Variants in ME2 observed in about 807,000 individuals in gnomAD.
The protein encoded by ME2 is malic enzyme 2.
ME2 carries 60 observed loss-of-function variants against 73.7 expected under a neutral mutation model. The ratio of observed to expected loss-of-function variants is 0.81; its 90% CI spans 0.66 to 1.01. ME2 has a LOEUF of 1.01. ME2 is among the 50% of genes least tolerant of loss of function. The probability of loss-of-function intolerance (pLI) is 0.00; values close to 1 mark genes in which losing one functional copy is unlikely to be tolerated. For synonymous variants in ME2, 199 were observed against 236.9 expected (o/e 0.84, Z 1.47); for missense variants, 594 against 705.5 (o/e 0.84, Z 1.79).
At chr18:50,881,317 G>T (rs1474167401) in intron 1 of ME2, among the ~76,000 whole-genome samples, 1 of 151,968 alleles carries the variant, frequency 6.6e-6, no homozygotes, top group African/African-American at 2.4e-5. Context: ...GATTACAGGA[G>T]TGAGCCACCA....
At chr18:50,912,555 G>A (rs767210679) in intron 3 of ME2, among the ~76,000 whole-genome samples, 1 of 152,178 alleles carries the variant, frequency 6.6e-6, no homozygotes, top group Non-Finnish European at 1.5e-5. Flanking sequence ...TTAGGGTTCA[G>A]TAAACATTGT....
intron 1 of ME2, among the ~76,000 whole-genome samples, chr18:50,879,796 T>A (rs1916269497): frequency 6.6e-6 from 1 of 152,228 alleles, no homozygotes; most frequent in African/African-American, 2.4e-5. Context: ...TGCTGCGGGC[T>A]GGAGAGTTCT....
At position 50,951,163 on chromosome 18, in the gene ME2, C is replaced by T. The variant is rs1403243041; in HGVS notation, c.*3979C>T. On this transcript the variant is annotated 3_prime_UTR_variant, in exon 16 of 16. Transcript: ENST00000321341. ...TTAGCTATCAAATGGACATTTATTTCTCTTAGTTTTCTTATGACATGACTT... is the reference window on the plus strand; with the variant it reads ...TTAGCTATCAAATGGACATTTATTTTTCTTAGTTTTCTTATGACATGACTT... The T allele has an allele frequency of 6.6e-6, 1 of 152,162 alleles. No homozygotes were observed. The highest frequency in any genetic ancestry group is 2.4e-5 in the African/African-American group (1 of 41,446). 9.4% of individuals were successfully genotyped at this position (152,162 alleles called of 1,614,324 possible).
chr18:50,897,380 A>T (rs1431243071), intron 2 of ME2, among the ~76,000 whole-genome samples: 3 of 152,206 alleles, frequency 2.0e-5, no homozygotes, highest in Non-Finnish European at 4.4e-5. Flanking sequence ...TTGAGTGTCA[A>T]ACAAGTTTGC....
At chr18:50,921,721 G>A (rs933864072) in intron 10 of ME2, among the ~76,000 whole-genome samples, 20 of 152,034 alleles carry the variant, frequency 1.3e-4, no homozygotes, top group Non-Finnish European at 2.1e-4. Context: ...GTGCCTGGCC[G>A]TGAGCAGAAA....
At chr18:50,889,240 C>A (rs1916551670) in intron 1 of ME2, among the ~76,000 whole-genome samples, 1 of 152,056 alleles carries the variant, frequency 6.6e-6, no homozygotes, top group South Asian at 2.1e-4. Flanking sequence ...AGGGTAGAGC[C>A]CCTAGGCAGC....
chr18:50,892,221 C>A lies in ME2; in HGVS notation c.-12-3588C>A, dbSNP rs146103680. Among the ~76,000 whole-genome samples, 371 of 152,196 alleles carry A rather than the reference C, an allele frequency of 2.4e-3. 2 individuals are homozygous for A. The highest frequency in any genetic ancestry group is 8.6e-3 in the African/African-American group (358 of 41,542). On this transcript the variant is annotated intron_variant, in intron 1 of 15. Transcript: ENST00000321341. ...CTAACTGTAGTGGCAAATCCTTCTA[C>A]CTATTCTTTTTCAAAATTTCTTGGA... is the stretch of plus-strand genomic sequence containing the variant.
intron 1 of ME2, among the ~76,000 whole-genome samples, chr18:50,893,020 G>C (rs1916641221): frequency 6.6e-6 from 1 of 151,140 alleles, no homozygotes; most frequent in African/African-American, 2.4e-5. Flanking sequence ...AGCTACTCGG[G>C]AGGCTGGGGC....
intron 12 of ME2, among the ~76,000 whole-genome samples, chr18:50,927,751 T>TATATATATATACAC (rs1316314513): frequency 9.7e-5 from 12 of 123,292 alleles, no homozygotes; most frequent in South Asian, 7.7e-4. Flanking sequence ...TATATATATA[T>TATATATATATACAC]ACACACCACA....
At chr18:50,908,234 T>G (rs199849015) in intron 3 of ME2, 38 bp downstream of exon 3, 204 of 1,487,950 alleles carry the variant, frequency 1.4e-4, no homozygotes, top group Middle Eastern at 3.5e-4. Flanking sequence ...TTATTGGTAT[T>G]CTGATTAGAA....
At chr18:50,937,163 GA>G (rs138577806) in intron 13 of ME2, among the ~76,000 whole-genome samples, 24 of 142,790 alleles carry the variant, frequency 1.7e-4, no homozygotes, top group Non-Finnish European at 2.0e-4. Flanking sequence ...CCAATTACTT[GA>G]AAAAAAAAAA....
At chr18:50,903,696 G>A (rs1255577419) in intron 2 of ME2, among the ~76,000 whole-genome samples, 4 of 152,068 alleles carry the variant, frequency 2.6e-5, no homozygotes, top group African/African-American at 7.2e-5. Context: ...CAATCTATCC[G>A]TGCTGGCATC....
At position 50,924,146 on chromosome 18, in the gene ME2, G is replaced by A. The variant is rs1312628165; in HGVS notation, c.1105G>A (p.Ala369Thr). 2.5e-6 allele frequency: 4 copies of A among 1,613,372 alleles called. No individual in the cohort carries two copies. The highest frequency in any genetic ancestry group is 1.1e-5 in the South Asian group (1 of 90,992). ...TTATCAGGAACCATTTACTCACTCAGCCCCAGAGAGCATACCTGATACTTT... is the reference window on the plus strand; with the variant it reads ...TTATCAGGAACCATTTACTCACTCAACCCCAGAGAGCATACCTGATACTTT... ...DSYQEPFTHSAPESIPDTFED... is the reference protein window; with the variant it reads ...DSYQEPFTHSTPESIPDTFED... Residue 369 changes from alanine (A) to threonine (T), a missense_variant, in exon 11 of 16, where the codon GCC (alanine) becomes ACC (threonine). Transcript: ENST00000321341.
chr18:50,900,340 G>T (rs187121561), intron 2 of ME2, among the ~76,000 whole-genome samples: 176 of 151,656 alleles, frequency 1.2e-3, no homozygotes, highest in African/African-American at 4.1e-3. Flanking sequence ...TGTTGCCCAG[G>T]CTGGAGTGCA....
At position 50,928,054 on chromosome 18, in the gene ME2, A is replaced by G. The variant is rs142915272; in HGVS notation, c.1314+2156A>G. Among the ~76,000 whole-genome samples the G allele has an allele frequency of 4.4e-3, 664 of 151,840 alleles. 10 individuals are homozygous for G. The East Asian group carries it at 0.066, about 15-fold the overall frequency. On this transcript the variant is annotated intron_variant, in intron 12 of 15. Transcript: ENST00000321341. ...GGCTGGTCTCAAATTGCTGACCTCA[A>G]GTGATCCCCTGCCTCAGCCTCCCAA...
At chr18:50,898,891 A>G (rs1828712704) in intron 2 of ME2, among the ~76,000 whole-genome samples, 1 of 152,210 alleles carries the variant, frequency 6.6e-6, no homozygotes, top group Admixed American at 6.5e-5. Flanking sequence ...AATATAGGTA[A>G]TAGCATTTGG....
chr18:50,922,659 A>G (rs1300395073), intron 10 of ME2, among the ~76,000 whole-genome samples: 1 of 152,228 alleles, frequency 6.6e-6, no homozygotes, highest in Non-Finnish European at 1.5e-5. Flanking sequence ...ACTTAGCACA[A>G]AGTGAGAACC....
intron 10 of ME2, among the ~76,000 whole-genome samples, chr18:50,921,938 C>T (rs1917440371): frequency 6.6e-6 from 1 of 152,200 alleles, no homozygotes; most frequent in Non-Finnish European, 1.5e-5. Flanking sequence ...CATATATCTT[C>T]TGTGTAACAC....
intron 2 of ME2, among the ~76,000 whole-genome samples, chr18:50,905,153 A>T (rs1916989650): frequency 6.6e-6 from 1 of 151,918 alleles, no homozygotes. Context: ...CACTCAGCTA[A>T]TTTTTGTATT....
Sources: allele counts gnomAD v4.1 joint callset (sites outside exome capture counted in the v4.1 genomes callset), GRCh38; gene constraint gnomAD v4.1.1; transcripts MANE v1.5; gene names NCBI Gene and HGNC (gene_info 2026-07-23, HGNC 2026-07-21).